The following ALDH3B2 variants were observed in gnomAD, a reference collection of about 807,000 sequenced individuals.
ALDH3B2 encodes the protein aldehyde dehydrogenase family 3 member B2.
ALDH3B2 carries 45 observed loss-of-function variants against 36.7 expected under a neutral mutation model. The observed-to-expected ratio is 1.23, with a 90% CI of 0.97 to 1.57. The LOEUF is 1.57. Ranked by LOEUF, ALDH3B2 falls within the 40% of genes most tolerant of loss-of-function variation. ALDH3B2 has a pLI of 0.00. For missense variants in ALDH3B2, 464 were observed against 513.3 expected (o/e 0.90, Z 0.93); for synonymous variants, 217 against 226.5 (o/e 0.96, Z 0.38).
intron 7 of ALDH3B2, 32 bp downstream of exon 7, chr11:67,665,253 C>G: frequency 1.3e-6 from 2 of 1,570,316 alleles, no homozygotes; most frequent in Non-Finnish European, 8.6e-7. Flanking sequence ...GGTCTTGGCC[C>G]AGGTGGGCTG....
intron 1 of ALDH3B2, among the ~76,000 whole-genome samples, chr11:67,669,250 GTGTA>G (rs879534075): frequency 9.2e-5 from 14 of 151,686 alleles, no homozygotes; most frequent in Non-Finnish European, 1.9e-4. Context: ...GTGTCTGTGT[GTGTA>G]TGGATGTCTG....
intron 2 of ALDH3B2, 96 bp downstream of exon 2, chr11:67,667,377 T>C (rs1258894542): frequency 1.1e-5 from 4 of 353,314 alleles, no homozygotes; most frequent in Non-Finnish European, 2.1e-5. Context: ...GGAATAAAAC[T>C]AGGGACATAG....
Position 67,664,574 on chromosome 11 carries a change from A to G in ALDH3B2, c.707-12T>C. 1 of 1,612,320 alleles carries G rather than the reference A, an allele frequency of 6.2e-7. No homozygotes were observed. Among genetic ancestry groups the G allele is most frequent in the Non-Finnish European group, 8.5e-7 (1 of 1,179,894 alleles). On this transcript the variant is annotated splice_polypyrimidine_tract_variant and intron_variant, in intron 7 of 9. Transcript: ENST00000349015. ...CAGCACCGTGGGGGCTGCGGGCACC[A>G]GAGACGGCTCAGCCCTGGGGCCACA...
intron 8 of ALDH3B2, 58 bp from the exon 9 acceptor site, chr11:67,663,819 C>T (rs1367752147): frequency 6.9e-7 from 1 of 1,453,776 alleles, no homozygotes; most frequent in Non-Finnish European, 9.5e-7. Context: ...GGGCTTGAGC[C>T]CCGCACATTC....
upstream of ALDH3B2, among the ~76,000 whole-genome samples, chr11:67,679,570 G>A (rs1856332960): frequency 6.6e-6 from 1 of 151,856 alleles, no homozygotes; most frequent in Admixed American, 6.6e-5. Flanking sequence ...ACTAGGTCAG[G>A]AGATCAAGAC....
intron 1 of ALDH3B2, among the ~76,000 whole-genome samples, chr11:67,669,558 C>T (rs1298821554): frequency 7.8e-6 from 1 of 128,672 alleles, no homozygotes; most frequent in African/African-American, 3.0e-5. Flanking sequence ...CTATGGGTGT[C>T]TGTGTGTCTG....
At position 67,670,303 on chromosome 11, in the gene ALDH3B2, C is replaced by T. The variant is rs61894526; in HGVS notation, c.-244-2668G>A. On this transcript the variant is annotated intron_variant, in intron 1 of 9. Coordinates refer to ENST00000349015, the Ensembl canonical transcript of ALDH3B2. ...CTGTGTGTGTATGGGTGTCTGTATGCGTATGGGTGTGTGTGTCCATGTGTG... is the reference window on the plus strand; with the variant it reads ...CTGTGTGTGTATGGGTGTCTGTATGTGTATGGGTGTGTGTGTCCATGTGTG... Among the ~76,000 whole-genome samples, 127 of 98,612 alleles carry T rather than the reference C, an allele frequency of 1.3e-3. 2 individuals are homozygous for T. Among genetic ancestry groups the T allele is most frequent in the Admixed American group, 3.6e-3 (36 of 9,962 alleles). 64.7% of individuals were successfully genotyped at this position (98,612 alleles called of 152,430 possible).
At chr11:67,677,557 C>A (rs919000592), upstream of ALDH3B2, among the ~76,000 whole-genome samples, 3 of 152,030 alleles carry the variant, frequency 2.0e-5, no homozygotes, top group African/African-American at 7.2e-5. Context: ...ACAAGGATGC[C>A]CACTCTCACC....
intron 7 of ALDH3B2, 34 bp from the exon 8 acceptor site, chr11:67,664,596 C>A: frequency 6.2e-7 from 1 of 1,609,324 alleles, no homozygotes; most frequent in Non-Finnish European, 8.5e-7. Context: ...GCCCTGGGGC[C>A]ACAGTCAGGA....
At chr11:67,676,278 A>G (rs991232099), upstream of ALDH3B2, among the ~76,000 whole-genome samples, 1 of 152,166 alleles carries the variant, frequency 6.6e-6, no homozygotes, top group Non-Finnish European at 1.5e-5. Context: ...ACGGTGGAAT[A>G]AAACTGGAAA....
At chr11:67,663,500 A>T in intron 9 of ALDH3B2, 101 bp from the exon 10 acceptor site, 1 of 1,452,702 alleles carries the variant, frequency 6.9e-7, no homozygotes, top group Non-Finnish European at 9.4e-7. Context: ...CAGGGAGCTC[A>T]GAGAGAGCCA....
chr11:67,676,704 GCAAGATTAAC>G (rs1856279980), upstream of ALDH3B2, among the ~76,000 whole-genome samples: 1 of 152,078 alleles, frequency 6.6e-6, no homozygotes, highest in Admixed American at 6.6e-5. Context: ...TAGATCATTT[GCAAGATTAAC>G]CAAGAAAAGA....
upstream of ALDH3B2, among the ~76,000 whole-genome samples, chr11:67,677,089 C>A (rs1442619542): frequency 6.6e-6 from 1 of 152,170 alleles, no homozygotes; most frequent in Non-Finnish European, 1.5e-5. Flanking sequence ...AGGAGCCCTC[C>A]CTAATTCATT....
At chr11:67,672,112 G>GTAT (rs1262821674) in intron 1 of ALDH3B2, among the ~76,000 whole-genome samples, 26 of 105,382 alleles carry the variant, frequency 2.5e-4, no homozygotes, top group Middle Eastern at 4.9e-3. Flanking sequence ...TTGTGTGTGT[G>GTAT]TGTGTGTGTG....
At chr11:67,672,100 T>TGTATGTA (rs1395112884) in intron 1 of ALDH3B2, among the ~76,000 whole-genome samples, 8 of 44,214 alleles carry the variant, frequency 1.8e-4, no homozygotes, top group East Asian at 1.7e-3. Flanking sequence ...TATGTATGTA[T>TGTATGTA]TTTGTGTGTG....
chr11:67,672,383 G>A (rs1316123015), intron 1 of ALDH3B2, among the ~76,000 whole-genome samples: 3 of 151,118 alleles, frequency 2.0e-5, no homozygotes, highest in East Asian at 3.9e-4. Context: ...TCAAACTCCC[G>A]ACCTCAGGTG....
At chr11:67,665,314 C>T in exon 7 of ALDH3B2, 1 of 1,610,614 alleles carries the variant, frequency 6.2e-7, no homozygotes, top group Non-Finnish European at 8.5e-7. Context: ...GTTGCTCTGG[C>T]CCCCAATGGC....
chr11:67,675,491 T>A (rs1856248733), upstream of ALDH3B2, among the ~76,000 whole-genome samples: 1 of 151,970 alleles, frequency 6.6e-6, no homozygotes. Flanking sequence ...CACCCCACCT[T>A]CCCCCAAGCC....
At chr11:67,663,929 C>T (rs79151892) in intron 8 of ALDH3B2, among the ~76,000 whole-genome samples, 168 bp from the exon 9 acceptor site, 12,913 of 152,186 alleles carry the variant, frequency 0.085, 597 homozygotes, top group Non-Finnish European at 0.099. Flanking sequence ...CTCTCAGTGA[C>T]GGTCGGGGTG....
Sources: gnomAD v4.1 joint callset for allele counts (sites outside exome capture counted in the v4.1 genomes callset) on GRCh38, gnomAD v4.1.1 for gene constraint, MANE v1.5 for transcripts, NCBI Gene and HGNC (gene_info 2026-07-23, HGNC 2026-07-21) for gene names.